The following LRP1B variants were observed in gnomAD, a reference collection of about 807,000 sequenced individuals.
The protein encoded by LRP1B is low-density lipoprotein receptor-related protein 1B.
In LRP1B, 217 loss-of-function variants were observed where a neutral mutation model predicts 556.6. The observed-to-expected ratio is 0.39, with a 90% CI of 0.35 to 0.44. The LOEUF is 0.44. Ranked by LOEUF, LRP1B falls within the 20% of genes least tolerant of loss-of-function variation. LRP1B has a pLI of 1.00. For missense variants in LRP1B, 5,053 were observed against 5,620.8 expected (o/e 0.90, Z 3.23); for synonymous variants, 2,047 against 1,865.8 (o/e 1.10, Z -2.50).
intron 2 of LRP1B, among the ~76,000 whole-genome samples, chr2:141,562,064 A>G (rs1375747697): frequency 6.6e-6 from 1 of 151,922 alleles, no homozygotes; most frequent in African/African-American, 2.4e-5. Flanking sequence ...GCCTCCAGGA[A>G]TCTACAATTT....
chr2:141,686,880 C>T (rs1691330821), intron 2 of LRP1B, among the ~76,000 whole-genome samples: 1 of 151,898 alleles, frequency 6.6e-6, no homozygotes, highest in Non-Finnish European at 1.5e-5. Context: ...GCATGCTCAG[C>T]CCCCTAGCCA....
At chr2:141,637,330 T>C (rs1479794695) in intron 2 of LRP1B, among the ~76,000 whole-genome samples, 1 of 152,208 alleles carries the variant, frequency 6.6e-6, no homozygotes, top group Non-Finnish European at 1.5e-5. Context: ...TACTGGATAC[T>C]GGGTTCTTGG....
intron 7 of LRP1B, among the ~76,000 whole-genome samples, chr2:141,101,980 T>C (rs761631192): frequency 6.6e-6 from 1 of 152,170 alleles, no homozygotes; most frequent in Non-Finnish European, 1.5e-5. Flanking sequence ...ACAACAGATA[T>C]AACGGAGATT....
intron 18 of LRP1B, among the ~76,000 whole-genome samples, chr2:140,970,989 C>T (rs572922822): frequency 1.3e-5 from 2 of 152,146 alleles, no homozygotes; most frequent in African/African-American, 2.4e-5. Flanking sequence ...GATCTGCCAG[C>T]TTTGGTCTCC....
chr2:141,401,508 A>G (rs1000823914), intron 3 of LRP1B, among the ~76,000 whole-genome samples: 30 of 152,170 alleles, frequency 2.0e-4, no homozygotes, highest in African/African-American at 7.0e-4. Flanking sequence ...TGTTGAGCAG[A>G]TGGTCAATGT....
At chr2:141,953,165 G>A (rs771370224) in intron 1 of LRP1B, among the ~76,000 whole-genome samples, 1 of 152,012 alleles carries the variant, frequency 6.6e-6, no homozygotes, top group African/African-American at 2.4e-5. Context: ...AGCATTTTGA[G>A]TGTGTGAGAA....
chr2:140,438,293 C>A (rs111290126), intron 66 of LRP1B, among the ~76,000 whole-genome samples: 35,705 of 152,106 alleles, frequency 0.23, 4,551 homozygotes, highest in Non-Finnish European at 0.28. Flanking sequence ...GCATGAGCCA[C>A]CACTCCCAGC....
At chr2:140,236,289 A>G (rs1680695055) in intron 89 of LRP1B, among the ~76,000 whole-genome samples, 1 of 150,864 alleles carries the variant, frequency 6.6e-6, no homozygotes, top group African/African-American at 2.4e-5. Flanking sequence ...TGTGATTGCA[A>G]AATAATTTGA....
At chr2:141,196,416 C>T (rs144980404) in intron 6 of LRP1B, among the ~76,000 whole-genome samples, 49 of 152,106 alleles carry the variant, frequency 3.2e-4, no homozygotes, top group East Asian at 5.8e-4. Context: ...TACTCATGGA[C>T]GCATACACAC....
At chr2:140,562,900 G>A (rs1368100770) in intron 43 of LRP1B, among the ~76,000 whole-genome samples, 1 of 152,030 alleles carries the variant, frequency 6.6e-6, no homozygotes, top group East Asian at 1.9e-4. Flanking sequence ...ACAAGCATGA[G>A]CCACCATGCC....
intron 6 of LRP1B, among the ~76,000 whole-genome samples, chr2:141,202,091 A>G (rs1682049531): frequency 6.6e-6 from 1 of 152,108 alleles, no homozygotes; most frequent in Admixed American, 6.6e-5. Context: ...TCCACTAGCT[A>G]TTCTTCCTGA....
At chr2:140,314,487 C>G (rs1311799986) in intron 83 of LRP1B, among the ~76,000 whole-genome samples, 4 of 152,030 alleles carry the variant, frequency 2.6e-5, no homozygotes, top group Non-Finnish European at 4.4e-5. Flanking sequence ...AGAATAGATA[C>G]AATTTTAGAT....
chr2:140,784,411 C>CACACACACACACACACAT (rs777213091), intron 32 of LRP1B, among the ~76,000 whole-genome samples: 171 of 150,098 alleles, frequency 1.1e-3, no homozygotes, highest in Middle Eastern at 3.5e-3. Context: ...CACACACACA[C>CACACACACACACACACAT]ACACACACAC....
At chr2:141,648,113 A>T (rs1689648342) in intron 2 of LRP1B, among the ~76,000 whole-genome samples, 2 of 152,060 alleles carry the variant, frequency 1.3e-5, no homozygotes, top group Non-Finnish European at 2.9e-5. Flanking sequence ...ATTGTGGAGC[A>T]GGAGCTTCTA....
intron 1 of LRP1B, among the ~76,000 whole-genome samples, chr2:142,084,878 T>A (rs1283028889): frequency 6.6e-6 from 1 of 152,214 alleles, no homozygotes; most frequent in African/African-American, 2.4e-5. Context: ...TTAATATATT[T>A]TTTATCCTAT....
intron 2 of LRP1B, among the ~76,000 whole-genome samples, chr2:141,510,373 A>G (rs181217255): frequency 2.0e-5 from 3 of 152,114 alleles, no homozygotes; most frequent in Admixed American, 6.6e-5. Context: ...CTCTCAAAAG[A>G]AAGAATTTCC....
chr2:141,514,394 C>T (rs1169185129), intron 2 of LRP1B, among the ~76,000 whole-genome samples: 3 of 152,270 alleles, frequency 2.0e-5, no homozygotes, highest in South Asian at 2.1e-4. Context: ...CCCCCTTTCT[C>T]GTTGGCCCTG....
intron 1 of LRP1B, among the ~76,000 whole-genome samples, chr2:141,912,161 C>T (rs993810500): frequency 2.0e-5 from 3 of 152,136 alleles, no homozygotes; most frequent in African/African-American, 7.2e-5. Context: ...TTTTGGCTAT[C>T]ATCTGTGCAT....
At chr2:141,783,208 C>T (rs186597999) in intron 2 of LRP1B, among the ~76,000 whole-genome samples, 1 of 152,184 alleles carries the variant, frequency 6.6e-6, no homozygotes, top group East Asian at 1.9e-4. Flanking sequence ...CCCATTAGCA[C>T]TCTCCTGCTC....
Sources: gnomAD v4.1 joint callset for allele counts (sites outside exome capture counted in the v4.1 genomes callset) on GRCh38, gnomAD v4.1.1 for gene constraint, MANE v1.5 for transcripts, NCBI Gene and HGNC (gene_info 2026-07-23, HGNC 2026-07-21) for gene names.